Variants in PIAS2 observed in about 807,000 individuals in gnomAD.
PIAS2 encodes the protein E3 SUMO-protein ligase PIAS2.
A neutral mutation model predicts 69.7 loss-of-function variants in PIAS2; 19 were observed. The ratio of observed to expected loss-of-function variants is 0.27; its 90% CI spans 0.19 to 0.40. The LOEUF is 0.40. PIAS2 is among the 10% of genes least tolerant of loss of function. PIAS2 has a pLI of 1.00. For synonymous variants in PIAS2, 261 were observed against 263.2 expected (o/e 0.99, Z 0.08); for missense variants, 624 against 757.0 (o/e 0.82, Z 2.06).
At chr18:46,887,275 T>C (rs897134709) in intron 2 of PIAS2, among the ~76,000 whole-genome samples, 6 of 114,404 alleles carry the variant, frequency 5.2e-5, no homozygotes, top group Non-Finnish European at 1.1e-4. Flanking sequence ...AAAAAAAAAA[T>C]AGCCACATTG....
chr18:46,869,261 G>A (rs984730580), intron 2 of PIAS2, among the ~76,000 whole-genome samples: 3 of 152,158 alleles, frequency 2.0e-5, no homozygotes, highest in Non-Finnish European at 2.9e-5. Flanking sequence ...CCAGTAGAGG[G>A]GGGTTAAGCC....
At chr18:46,914,788 G>A (rs1209835151) in intron 1 of PIAS2, among the ~76,000 whole-genome samples, 2 of 151,992 alleles carry the variant, frequency 1.3e-5, no homozygotes, top group Admixed American at 1.3e-4. Flanking sequence ...ATCCAGATCG[G>A]CTGACCAATT....
intron 2 of PIAS2, among the ~76,000 whole-genome samples, chr18:46,876,266 T>C (rs2051170803): frequency 6.6e-6 from 1 of 152,224 alleles, no homozygotes; most frequent in East Asian, 1.9e-4. Context: ...CATGGGTCCT[T>C]TGACCCTCAC....
chr18:46,845,163 C>T (rs548844976), intron 6 of PIAS2, among the ~76,000 whole-genome samples: 1 of 152,308 alleles, frequency 6.6e-6, no homozygotes, highest in Non-Finnish European at 1.5e-5. Flanking sequence ...AAAATGTACC[C>T]TCCTATGACT....
At chr18:46,914,764 G>C (rs2057631363) in intron 1 of PIAS2, among the ~76,000 whole-genome samples, 1 of 152,044 alleles carries the variant, frequency 6.6e-6, no homozygotes, top group African/African-American at 2.4e-5. Context: ...CATATCAGCA[G>C]CCAAATATGT....
chr18:46,812,060 T>C lies in PIAS2; in HGVS notation c.*373A>G, dbSNP rs534427353. 2 of 156,284 alleles carry C rather than the reference T, an allele frequency of 1.3e-5. No individual in the cohort carries two copies. Among genetic ancestry groups the C allele is most frequent in the South Asian group, 4.0e-4 (2 of 5,030 alleles). 9.7% of individuals were successfully genotyped at this position (156,284 alleles called of 1,614,324 possible). On this transcript the variant is annotated 3_prime_UTR_variant, in exon 14 of 14. Coordinates refer to ENST00000585916, the MANE Select transcript of PIAS2 (RefSeq NM_004671.5). ...TTCTAGAATCAGTGATTACAATTTT[T>C]TTTTTAATTAGAAAAAAGGTTACTT...
intron 3 of PIAS2, among the ~76,000 whole-genome samples, chr18:46,862,004 A>G (rs1296319626): frequency 6.6e-6 from 1 of 152,206 alleles, no homozygotes; most frequent in Non-Finnish European, 1.5e-5. Context: ...TATTATTTCT[A>G]TAATTTTTAT....
chr18:46,839,805 C>A (rs1304027488), intron 8 of PIAS2, among the ~76,000 whole-genome samples: 2 of 148,486 alleles, frequency 1.3e-5, no homozygotes, highest in Non-Finnish European at 3.0e-5. Context: ...GCAGAGGTTG[C>A]AGTAAGCCGA....
chr18:46,841,629 C>G (rs1244686733), intron 8 of PIAS2, among the ~76,000 whole-genome samples: 1 of 152,156 alleles, frequency 6.6e-6, no homozygotes, highest in African/African-American at 2.4e-5. Context: ...TATGTTAACA[C>G]TACTACTATA....
At chr18:46,902,790 G>A (rs1361556901) in intron 1 of PIAS2, among the ~76,000 whole-genome samples, 1 of 152,150 alleles carries the variant, frequency 6.6e-6, no homozygotes, top group Non-Finnish European at 1.5e-5. Context: ...AAGAACAGAG[G>A]GAGAGGAATC....
intron 3 of PIAS2, among the ~76,000 whole-genome samples, chr18:46,856,009 T>G (rs1469223565): frequency 8.3e-6 from 1 of 120,474 alleles, no homozygotes; most frequent in Non-Finnish European, 1.8e-5. Flanking sequence ...TTTTTTTTTT[T>G]TTTTTTTTTT....
At chr18:46,870,025 C>A (rs901335261) in intron 2 of PIAS2, among the ~76,000 whole-genome samples, 1 of 152,070 alleles carries the variant, frequency 6.6e-6, no homozygotes, top group East Asian at 1.9e-4. Context: ...AAATCCCCCA[C>A]CCCAAGCAGG....
intron 1 of PIAS2, among the ~76,000 whole-genome samples, chr18:46,902,498 T>C (rs934735008): frequency 1.3e-5 from 2 of 151,868 alleles, no homozygotes; most frequent in African/African-American, 4.8e-5. Flanking sequence ...AGGCACAGGT[T>C]GCAGCGAGCC....
At chr18:46,821,677 T>C (rs2042197858) in intron 11 of PIAS2, among the ~76,000 whole-genome samples, 1 of 152,054 alleles carries the variant, frequency 6.6e-6, no homozygotes, top group Admixed American at 6.6e-5. Context: ...TATCCAGAAA[T>C]AAAAATGCTG....
chr18:46,919,676 T>G (rs576970028), upstream of PIAS2, among the ~76,000 whole-genome samples: 58 of 152,270 alleles, frequency 3.8e-4, no homozygotes, highest in African/African-American at 1.2e-3. Context: ...ATTTTAAAAT[T>G]TTATGTTAAA....
chr18:46,914,054 T>C (rs558423958), intron 1 of PIAS2, among the ~76,000 whole-genome samples: 2 of 152,332 alleles, frequency 1.3e-5, no homozygotes, highest in Admixed American at 6.5e-5. Context: ...AATTCACAAC[T>C]AGTTAATTCA....
In PIAS2 at chr18:46,840,971, CT is replaced by C. The variant is rs200294833; in HGVS notation, c.1041+3082del. Among the ~76,000 whole-genome samples, 696 of 139,036 alleles carry C rather than the reference CT, an allele frequency of 5.0e-3. 1 individual carries two copies. Among genetic ancestry groups the C allele is most frequent in the Middle Eastern group, 0.015 (4 of 274 alleles). The allele number at this position is 139,036 out of a possible 152,430, so 91.2% of individuals were successfully genotyped here. ...TGGTTTCCAACTCTTTTCAGCAGGA[CT>C]TTTTTTTTTTTTTTAAACATACTAG... On this transcript the variant is annotated intron_variant, in intron 8 of 13. Transcript: ENST00000585916.
chr18:46,917,303 G>T lies in PIAS2; in HGVS notation c.24+19C>A. 1.4e-6 allele frequency: 2 copies of T among 1,467,226 alleles called. No homozygotes were observed. The highest frequency in any genetic ancestry group is 1.8e-6 in the Non-Finnish European group (2 of 1,104,102). 90.9% of individuals were successfully genotyped at this position (1,467,226 alleles called of 1,614,324 possible). A position where few individuals can be genotyped will look rare whatever the true frequency, so the allele number is the denominator to read the frequency against. On this transcript the variant is annotated intron_variant, in intron 1 of 13. Coordinates refer to ENST00000585916, the MANE Select transcript of PIAS2 (RefSeq NM_004671.5). ...TCCCATCCCCTCCCCCGCGGCCTCC[G>T]CTCTCCACTCCCGCTTACCCTCAAC... is the stretch of plus-strand genomic sequence containing the variant.
intron 1 of PIAS2, chr18:46,893,641 G>C (rs2054402508): frequency 6.4e-6 from 1 of 156,872 alleles, no homozygotes; most frequent in Non-Finnish European, 1.4e-5. Flanking sequence ...ATTACAAAAT[G>C]CTGCAAAGAT....
Sources: allele counts gnomAD v4.1 joint callset (sites outside exome capture counted in the v4.1 genomes callset), GRCh38; gene constraint gnomAD v4.1.1; transcripts MANE v1.5; gene names NCBI Gene and HGNC (gene_info 2026-07-23, HGNC 2026-07-21).